ANKRD62: variants seen among roughly 807,000 people sequenced by gnomAD.
ANKRD62 encodes ankyrin repeat domain-containing protein 62.
A neutral mutation model predicts 98.8 loss-of-function variants in ANKRD62; 61 were observed. That is an observed-to-expected ratio of 0.62 (90% CI 0.50 to 0.76). The LOEUF (loss-of-function observed/expected upper bound fraction) is 0.76. Ranked by LOEUF, ANKRD62 falls within the 30% of genes least tolerant of loss-of-function variation. The probability of loss-of-function intolerance (pLI) is 0.00; values close to 1 mark genes in which losing one functional copy is unlikely to be tolerated. For synonymous variants in ANKRD62, 341 were observed against 367.9 expected (o/e 0.93, Z 0.84); for missense variants, 933 against 1,082.9 (o/e 0.86, Z 1.94).
chr18:12,173,977 G>A, the ANKRD62 span, among the ~76,000 whole-genome samples: 81 of 152,122 alleles, frequency 5.3e-4, no homozygotes, highest in African/African-American at 2.0e-3. Flanking sequence ...TCTTTGGGGT[G>A]GTCTTCCTAT....
At chr18:12,102,260 G>A (rs1909316366) in intron 6 of ANKRD62, 5 of 763,430 alleles carry the variant, frequency 6.5e-6, no homozygotes, top group Admixed American at 1.7e-5. Context: ...AAACACTGAC[G>A]ACCCTCTCAC....
the ANKRD62 span, among the ~76,000 whole-genome samples, chr18:12,158,650 C>CAA: frequency 6.6e-6 from 1 of 151,094 alleles, no homozygotes. Flanking sequence ...CTCAGCCTCC[C>CAA]GTAGCTGGGA....
chr18:12,172,594 G>A, the ANKRD62 span, among the ~76,000 whole-genome samples: 27 of 152,114 alleles, frequency 1.8e-4, no homozygotes, highest in South Asian at 4.3e-3. Context: ...TGAGGAGGCA[G>A]TCTGTCCGTT....
At chr18:12,123,827 C>T (rs1161360709) in intron 11 of ANKRD62, among the ~76,000 whole-genome samples, 1 of 152,122 alleles carries the variant, frequency 6.6e-6, no homozygotes, top group Non-Finnish European at 1.5e-5. Flanking sequence ...TTCATCCTGA[C>T]TGAGGAGTAA....
chr18:12,141,614 G>A, the ANKRD62 span, among the ~76,000 whole-genome samples: 2 of 128,868 alleles, frequency 1.6e-5, no homozygotes, highest in African/African-American at 3.0e-5. Flanking sequence ...GAATCTCAAC[G>A]GTCCTCATTC....
At position 12,125,446 on chromosome 18, in the gene ANKRD62, T is replaced by A. The variant is rs1293836292; in HGVS notation, c.1639-14T>A. ...TATTGGGTGCTAGTTGAGAGTTTTCTTTGTTTTATTTAGAATTTTCATACT... is the reference window on the plus strand; with the variant it reads ...TATTGGGTGCTAGTTGAGAGTTTTCATTGTTTTATTTAGAATTTTCATACT... On this transcript the variant is annotated splice_polypyrimidine_tract_variant and intron_variant, in intron 12 of 13. Coordinates refer to ENST00000587848, the MANE Select transcript of ANKRD62 (RefSeq NM_001277333.2). The A allele has an allele frequency of 4.9e-5, 70 of 1,437,460 alleles. No homozygotes were observed. Among genetic ancestry groups the A allele is most frequent in the Non-Finnish European group, 6.2e-5 (68 of 1,104,692 alleles). 89.0% of individuals were successfully genotyped at this position (1,437,460 alleles called of 1,614,324 possible).
At chr18:12,095,351 T>G (rs1909157766) in intron 2 of ANKRD62, 66 bp downstream of exon 2, 1 of 1,530,786 alleles carries the variant, frequency 6.5e-7, no homozygotes, top group Non-Finnish European at 8.8e-7. Flanking sequence ...TAAAATTAAT[T>G]CACCTCATTG....
intron 6 of ANKRD62, chr18:12,102,244 G>A (rs1909315935): frequency 1.3e-6 from 1 of 775,186 alleles, no homozygotes; most frequent in Non-Finnish European, 2.4e-6. Flanking sequence ...AGCAGGCCCA[G>A]GAGCAAAACA....
the ANKRD62 span, among the ~76,000 whole-genome samples, chr18:12,157,654 A>G: frequency 6.6e-6 from 1 of 152,010 alleles, no homozygotes; most frequent in Non-Finnish European, 1.5e-5. Flanking sequence ...CTCGCTTTCT[A>G]TTTACATCTT....
chr18:12,107,309 GA>G lies in ANKRD62; in HGVS notation c.908del (p.Lys303ArgfsTer29). On this transcript the variant is annotated frameshift_variant, in exon 8 of 14. Transcript: ENST00000587848. LOFTEE classifies it high-confidence loss of function. ...TTTCATTGAAGGTTGAAGAAAAAAT[GA>G]AGAAATGCAGAAATAAGAAAATGGA... ...SSQPQVEEKM[K>X]KCRNKKMEVS... 1 of 1,490,406 alleles carries G rather than the reference GA, an allele frequency of 6.7e-7. No homozygotes were observed. Among genetic ancestry groups the G allele is most frequent in the Non-Finnish European group, 8.9e-7 (1 of 1,127,468 alleles). 92.3% of individuals were successfully genotyped at this position (1,490,406 alleles called of 1,614,324 possible).
the ANKRD62 span, among the ~76,000 whole-genome samples, chr18:12,135,323 G>T: frequency 1.3e-5 from 2 of 150,568 alleles, no homozygotes; most frequent in Admixed American, 6.6e-5. Flanking sequence ...ATAGTTTGCT[G>T]AGAATGACGG....
Position 12,095,442 on chromosome 18 carries a change from A to G in ANKRD62, c.339A>G (p.Val113=). 6.4e-7 allele frequency: 1 copy of G among 1,570,850 alleles called. No individual in the cohort carries two copies. The highest frequency in any genetic ancestry group is 8.6e-7 in the Non-Finnish European group (1 of 1,163,098). The change falls in exon 3 of 14, where the codon GTA becomes GTG. Residue 113 remains valine, a synonymous_variant. Coordinates refer to ENST00000587848, the MANE Select transcript of ANKRD62 (RefSeq NM_001277333.2). The part of the protein sequence containing the change: ...SENRTALIKA[V]QCQEEVCASI... ...TCTTGGTCTAATACTGACAGGCTGT[A>G]CAATGTCAAGAAGAAGTTTGTGCAT...
chr18:12,175,478 G>C, the ANKRD62 span, among the ~76,000 whole-genome samples: 2 of 152,032 alleles, frequency 1.3e-5, no homozygotes, highest in Non-Finnish European at 2.9e-5. Flanking sequence ...CCACAGACAT[G>C]CTCCAGCCAA....
intron 5 of ANKRD62, among the ~76,000 whole-genome samples, chr18:12,098,269 C>T (rs1443104422): frequency 6.6e-6 from 1 of 152,174 alleles, no homozygotes; most frequent in Non-Finnish European, 1.5e-5. Context: ...ATCTCCCAGC[C>T]CACTTGCTTC....
chr18:12,174,058 T>A, the ANKRD62 span, among the ~76,000 whole-genome samples: 42 of 152,336 alleles, frequency 2.8e-4, no homozygotes, highest in African/African-American at 1.0e-3. Context: ...GTTGGGGAAG[T>A]TCTCATGGAT....
the ANKRD62 span, among the ~76,000 whole-genome samples, chr18:12,166,582 C>A: frequency 6.6e-6 from 1 of 151,952 alleles, no homozygotes; most frequent in Non-Finnish European, 1.5e-5. Context: ...ACTTTGAATT[C>A]TCAGTCTGAA....
intron 8 of ANKRD62, among the ~76,000 whole-genome samples, chr18:12,109,411 G>A (rs1909486662): frequency 6.6e-6 from 1 of 152,174 alleles, no homozygotes; most frequent in Non-Finnish European, 1.5e-5. Context: ...GACCAGCTGG[G>A]ATGCAGGGTG....
chr18:12,157,388 CT>C, the ANKRD62 span, among the ~76,000 whole-genome samples: 4 of 152,284 alleles, frequency 2.6e-5, no homozygotes, highest in Admixed American at 6.5e-5. Flanking sequence ...ATCCTCGCCC[CT>C]GGCCCATGTA....
At chr18:12,145,291 A>G in the ANKRD62 span, among the ~76,000 whole-genome samples, 2 of 152,162 alleles carry the variant, frequency 1.3e-5, no homozygotes, top group African/African-American at 4.8e-5. Flanking sequence ...CCCCCACCAC[A>G]TGGGCTTGGA....
Sources: allele counts gnomAD v4.1 joint callset (sites outside exome capture counted in the v4.1 genomes callset), GRCh38; gene constraint gnomAD v4.1.1; transcripts MANE v1.5; gene names NCBI Gene and HGNC (gene_info 2026-07-23, HGNC 2026-07-21).